The following LYPD6 variants were observed in gnomAD, a reference collection of about 807,000 sequenced individuals.
LYPD6 encodes the protein ly6/PLAUR domain-containing protein 6.
A neutral mutation model predicts 22.7 loss-of-function variants in LYPD6; 15 were observed. The ratio of observed to expected loss-of-function variants is 0.66; its 90% CI spans 0.44 to 1.02. The LOEUF is 1.02. LYPD6 is among the 50% of genes least tolerant of loss of function. LYPD6 has a pLI of 0.00. For synonymous variants in LYPD6, 72 were observed against 77.5 expected (o/e 0.93, Z 0.37); for missense variants, 189 against 208.4 (o/e 0.91, Z 0.57).
chr2:149,370,416 A>C (rs957115058), intron 1 of LYPD6: 1 of 151,946 alleles, frequency 6.6e-6, no homozygotes, highest in South Asian at 2.1e-4. Context: ...GAGGTGATTT[A>C]CTCATGAGGG....
chr2:149,468,308 T>C (rs1427092445), intron 3 of LYPD6, among the ~76,000 whole-genome samples: 1 of 152,120 alleles, frequency 6.6e-6, no homozygotes, highest in Non-Finnish European at 1.5e-5. Flanking sequence ...CTATGACTTA[T>C]ACCTCTTAAA....
chr2:149,411,340 C>T (rs1209103951), intron 1 of LYPD6, among the ~76,000 whole-genome samples: 1 of 152,016 alleles, frequency 6.6e-6, no homozygotes, highest in Non-Finnish European at 1.5e-5. Flanking sequence ...AAGTCTTTCT[C>T]CAGACAACAA....
chr2:149,336,642 A>G (rs971275692), intron 1 of LYPD6, among the ~76,000 whole-genome samples: 1 of 152,198 alleles, frequency 6.6e-6, no homozygotes, highest in Non-Finnish European at 1.5e-5. Flanking sequence ...ATACATCAAA[A>G]TATTAACAGT....
At chr2:149,437,376 A>C (rs2105149705) in intron 1 of LYPD6, among the ~76,000 whole-genome samples, 1 of 152,272 alleles carries the variant, frequency 6.6e-6, no homozygotes, top group African/African-American at 2.4e-5. Flanking sequence ...TTTTGTTAAA[A>C]TTCAGTCTCT....
At chr2:149,395,097 C>T (rs1241262161) in intron 1 of LYPD6, among the ~76,000 whole-genome samples, 1 of 150,780 alleles carries the variant, frequency 6.6e-6, no homozygotes, top group Non-Finnish European at 1.5e-5. Context: ...GGTGGGAGAC[C>T]AACCATTTTT....
chr2:149,330,601 G>C lies in LYPD6; in HGVS notation c.-193G>C, dbSNP rs1466359815. 2.0e-5 allele frequency: 3 copies of C among 151,490 alleles called. No individual in the cohort carries two copies. Among genetic ancestry groups the C allele is most frequent in the Admixed American group, 1.3e-4 (2 of 15,210 alleles). The allele number at this position is 151,490 out of a possible 1,614,324, so 9.4% of individuals were successfully genotyped here. On this transcript the variant is annotated 5_prime_UTR_variant, in exon 1 of 5. Transcript: ENST00000334166. ...CGCTGCGCTCCCTCGCTCCTTCCCT[G>C]AGCTCCCGGGCTCCGGCAGCGGGCT...
intron 2 of LYPD6, 45 bp downstream of exon 2, chr2:149,437,871 T>A (rs1202203744): frequency 1.6e-5 from 25 of 1,603,666 alleles, no homozygotes; most frequent in Non-Finnish European, 2.1e-5. Flanking sequence ...TTATTTCAAA[T>A]AAGAAGTGGT....
chr2:149,441,165 T>A (rs1475128712), intron 2 of LYPD6, among the ~76,000 whole-genome samples: 1 of 152,220 alleles, frequency 6.6e-6, no homozygotes, highest in Non-Finnish European at 1.5e-5. Flanking sequence ...TAAGCAGGTA[T>A]CTGTTGAACA....
chr2:149,406,421 A>G (rs1418845535), intron 1 of LYPD6, among the ~76,000 whole-genome samples: 1 of 151,478 alleles, frequency 6.6e-6, no homozygotes, highest in African/African-American at 2.4e-5. Flanking sequence ...GTGCTCCTGT[A>G]TTGGGTGCAT....
At chr2:149,364,883 C>T (rs568978200) in intron 1 of LYPD6, among the ~76,000 whole-genome samples, 12 of 152,292 alleles carry the variant, frequency 7.9e-5, no homozygotes, top group African/African-American at 2.9e-4. Flanking sequence ...TACTCACAAT[C>T]TTCTAGGTTC....
intron 1 of LYPD6, among the ~76,000 whole-genome samples, chr2:149,356,352 C>A (rs554580132): frequency 6.6e-6 from 1 of 152,274 alleles, no homozygotes; most frequent in South Asian, 2.1e-4. Context: ...ACAAAGTTGT[C>A]ATTGGTGACC....
At chr2:149,468,326 C>G (rs79514776) in intron 3 of LYPD6, among the ~76,000 whole-genome samples, 4,133 of 152,172 alleles carry the variant, frequency 0.027, 68 homozygotes, top group Non-Finnish European at 0.041. Context: ...AAATCATCCC[C>G]GCAAAACCAC....
chr2:149,352,327 T>TA (rs1042719085), intron 1 of LYPD6, among the ~76,000 whole-genome samples: 17 of 152,110 alleles, frequency 1.1e-4, no homozygotes, highest in African/African-American at 4.1e-4. Flanking sequence ...TCTTTTTAAT[T>TA]AAAAAAATGA....
intron 1 of LYPD6, among the ~76,000 whole-genome samples, chr2:149,373,655 G>C (rs1402548381): frequency 1.3e-5 from 2 of 152,158 alleles, no homozygotes; most frequent in African/African-American, 4.8e-5. Context: ...TCCTCACTTG[G>C]ATTTCATAGC....
At chr2:149,393,770 T>C (rs1219150656) in intron 1 of LYPD6, among the ~76,000 whole-genome samples, 1 of 152,198 alleles carries the variant, frequency 6.6e-6, no homozygotes, top group Non-Finnish European at 1.5e-5. Context: ...AGATTAGCTT[T>C]CCCCAGCTGG....
Position 149,345,335 on chromosome 2 carries a change from C to T in LYPD6, c.-72+14613C>T, listed in dbSNP as rs1435844353. On this transcript the variant is annotated intron_variant, in intron 1 of 4. Transcript: ENST00000334166. ...TTTTTTTTTTTTTTTGAGACGGAGCCTCGCTTTGTTGCCCAGGCTGGAGTG... is the reference window on the plus strand; with the variant it reads ...TTTTTTTTTTTTTTTGAGACGGAGCTTCGCTTTGTTGCCCAGGCTGGAGTG... 2.2e-5 allele frequency among the ~76,000 whole-genome samples: 3 copies of T among 138,746 alleles called. No homozygotes were observed. In the East Asian group the frequency reaches 6.5e-4, roughly 30 times the overall value. 91.0% of individuals were successfully genotyped at this position (138,746 alleles called of 152,430 possible).
At chr2:149,428,993 GTGT>G (rs1447617697) in intron 1 of LYPD6, among the ~76,000 whole-genome samples, 3 of 152,098 alleles carry the variant, frequency 2.0e-5, no homozygotes, top group East Asian at 3.9e-4. Flanking sequence ...TTCAAACTCT[GTGT>G]TGTTGTTGTA....
At chr2:149,356,067 T>C (rs1469746921) in intron 1 of LYPD6, among the ~76,000 whole-genome samples, 1 of 151,988 alleles carries the variant, frequency 6.6e-6, no homozygotes, top group Non-Finnish European at 1.5e-5. Context: ...CTTGAGAGCA[T>C]TTAATACTCT....
chr2:149,405,264 G>C (rs1328039219), intron 1 of LYPD6, among the ~76,000 whole-genome samples: 5 of 152,002 alleles, frequency 3.3e-5, no homozygotes, highest in Non-Finnish European at 7.4e-5. Flanking sequence ...GAGTTAGGGA[G>C]GATTCCCTCT....
Sources: gnomAD v4.1 joint callset for allele counts (sites outside exome capture counted in the v4.1 genomes callset) on GRCh38, gnomAD v4.1.1 for gene constraint, MANE v1.5 for transcripts, NCBI Gene and HGNC (gene_info 2026-07-23, HGNC 2026-07-21) for gene names.